CREBRF: variants seen among roughly 807,000 people sequenced by gnomAD.
CREBRF encodes the protein CREB3 regulatory factor.
Under a neutral mutation model 66.1 loss-of-function variants are expected in CREBRF, and 5 were observed. The ratio of observed to expected loss-of-function variants is 0.08; its 90% CI spans 0.04 to 0.16. The LOEUF (loss-of-function observed/expected upper bound fraction) is 0.16. Among genes scored for constraint, CREBRF ranks in the 10% least tolerant of loss-of-function variants. The probability of loss-of-function intolerance (pLI) is 1.00; values close to 1 mark genes in which losing one functional copy is unlikely to be tolerated. For missense variants in CREBRF, 531 were observed against 744.9 expected (o/e 0.71, Z 3.34); for synonymous variants, 229 against 264.4 (o/e 0.87, Z 1.30).
At position 173,134,063 on chromosome 5, in the gene CREBRF, T is replaced by C. The variant is rs576485614; in HGVS notation, c.*318T>C. 1 of 167,092 alleles carries C rather than the reference T, an allele frequency of 6.0e-6. No homozygotes were observed. Among genetic ancestry groups the C allele is most frequent in the Non-Finnish European group, 1.3e-5 (1 of 77,738 alleles). The allele number at this position is 167,092 out of a possible 1,614,324, so 10.4% of individuals were successfully genotyped here. On this transcript the variant is annotated 3_prime_UTR_variant, in exon 9 of 9. Coordinates refer to ENST00000296953, the MANE Select transcript of CREBRF (RefSeq NM_153607.3). ...GAGTGAAATAGTAAAATGCCAAGTA[T>C]TGTGGCAGATTTATGCTCTGAACCA...
At position 173,100,010 on chromosome 5, in the gene CREBRF, G is replaced by A. The variant is rs1436162314; in HGVS notation, c.1222+8609G>A. Among the ~76,000 whole-genome samples the A allele has an allele frequency of 8.3e-5, 12 of 144,862 alleles. No homozygotes were observed. In the East Asian group the frequency reaches 2.5e-3, roughly 30 times the overall value. ...CAACCTCCTCCTCCCAGGTTTGAAT[G>A]ATTCTCCTGCCTTAGCCTCCCAAGT... On this transcript the variant is annotated intron_variant, in intron 4 of 8. Transcript: ENST00000296953.
In CREBRF at chr5:173,133,896, A is replaced by G. The variant is rs1759530106; in HGVS notation, c.*151A>G. On this transcript the variant is annotated 3_prime_UTR_variant, in exon 9 of 9. Transcript: ENST00000296953. Reference sequence around the variant, plus strand: ...AAGAACTAAGTAGCATAAGTGAAGCATGATCCAAAATACTTGATTATTGCA... The same window carrying G: ...AAGAACTAAGTAGCATAAGTGAAGCGTGATCCAAAATACTTGATTATTGCA... The G allele has an allele frequency of 2.1e-6, 1 of 472,428 alleles. No homozygotes were observed. Among genetic ancestry groups the G allele is most frequent in the African/African-American group, 2.0e-5 (1 of 49,432 alleles). 29.3% of individuals were successfully genotyped at this position (472,428 alleles called of 1,614,324 possible).
At chr5:173,103,579 C>G (rs1441837324) in intron 4 of CREBRF, among the ~76,000 whole-genome samples, 1 of 152,124 alleles carries the variant, frequency 6.6e-6, no homozygotes, top group African/African-American at 2.4e-5. Context: ...TGACTAGCTC[C>G]CTTGATGCTG....
chr5:173,102,663 G>A (rs2113760055), intron 4 of CREBRF, among the ~76,000 whole-genome samples: 1 of 152,214 alleles, frequency 6.6e-6, no homozygotes, highest in Middle Eastern at 3.4e-3. Flanking sequence ...ACCTGTATCT[G>A]TGGGAGTGGA....
At chr5:173,086,072 A>G in intron 2 of CREBRF, 2 of 861,974 alleles carry the variant, frequency 2.3e-6, no homozygotes, top group South Asian at 2.6e-5. Flanking sequence ...ATGGTTCTCT[A>G]CCAATCATAA....
At chr5:173,100,118 G>GTGTGTA (rs70984939) in intron 4 of CREBRF, among the ~76,000 whole-genome samples, 1,682 of 88,310 alleles carry the variant, frequency 0.019, 44 homozygotes, top group Non-Finnish European at 0.025. Flanking sequence ...GTGTGTGTGT[G>GTGTGTA]TATATATATA....
At position 173,135,999 on chromosome 5, in the gene CREBRF, A is replaced by G. The variant is rs1189573053; in HGVS notation, c.*2254A>G. 4 of 152,424 alleles carry G rather than the reference A, an allele frequency of 2.6e-5. No individual in the cohort carries two copies. The highest frequency in any genetic ancestry group is 9.7e-5 in the African/African-American group (4 of 41,446). The allele number at this position is 152,424 out of a possible 1,614,324, so 9.4% of individuals were successfully genotyped here. A position where few individuals can be genotyped will look rare whatever the true frequency, so the allele number is the denominator to read the frequency against. ...TCCTTTTTAGGTTGGAGAAGGCAAA[A>G]CACAGGCTTGCAAGTTGGAAGTATA... On this transcript the variant is annotated 3_prime_UTR_variant, in exon 9 of 9. Transcript: ENST00000296953.
chr5:173,083,092 G>A (rs1758015629), intron 2 of CREBRF, among the ~76,000 whole-genome samples: 1 of 151,868 alleles, frequency 6.6e-6, no homozygotes, highest in South Asian at 2.1e-4. Flanking sequence ...GCTGGACGTG[G>A]TGGTGCCTGC....
chr5:173,058,876 A>T (rs963175738), intron 1 of CREBRF, among the ~76,000 whole-genome samples: 1 of 136,118 alleles, frequency 7.3e-6, no homozygotes, highest in African/African-American at 2.8e-5. Context: ...GCTCACTGCA[A>T]CCTCCGCCTG....
chr5:173,111,239 G>A (rs1451902023), intron 6 of CREBRF, among the ~76,000 whole-genome samples: 2 of 151,938 alleles, frequency 1.3e-5, no homozygotes, highest in Non-Finnish European at 2.9e-5. Flanking sequence ...CATGTACATG[G>A]AATATACTGT....
chr5:173,062,012 T>C (rs761969229), intron 1 of CREBRF, among the ~76,000 whole-genome samples: 3 of 152,234 alleles, frequency 2.0e-5, no homozygotes, highest in Non-Finnish European at 2.9e-5. Flanking sequence ...ATCTTGTTTC[T>C]AGATCTAGCT....
chr5:173,083,806 A>G (rs1272490923), intron 2 of CREBRF, among the ~76,000 whole-genome samples: 1 of 152,210 alleles, frequency 6.6e-6, no homozygotes, highest in Non-Finnish European at 1.5e-5. Flanking sequence ...GTGGCTAAAT[A>G]AGCTTTACTT....
chr5:173,116,048 C>T (rs1197204664), intron 7 of CREBRF, among the ~76,000 whole-genome samples: 2 of 152,168 alleles, frequency 1.3e-5, no homozygotes, highest in Non-Finnish European at 2.9e-5. Context: ...TCTGTAATCC[C>T]AGTTACTCAG....
intron 4 of CREBRF, among the ~76,000 whole-genome samples, chr5:173,097,355 C>T (rs957226529): frequency 1.3e-5 from 2 of 152,182 alleles, no homozygotes; most frequent in African/African-American, 4.8e-5. Flanking sequence ...AGTGATTCTC[C>T]TGCCTCAGCC....
intron 3 of CREBRF, among the ~76,000 whole-genome samples, chr5:173,089,670 A>G (rs934885516): frequency 6.6e-6 from 1 of 151,744 alleles, no homozygotes; most frequent in Non-Finnish European, 1.5e-5. Flanking sequence ...TTAAAAAAAA[A>G]AAAAAAGAAA....
At chr5:173,112,894 G>T (rs1321933518) in intron 7 of CREBRF, among the ~76,000 whole-genome samples, 1 of 152,058 alleles carries the variant, frequency 6.6e-6, no homozygotes, top group African/African-American at 2.4e-5. Flanking sequence ...CTGTGTACTT[G>T]GTTAAAATAC....
chr5:173,087,534 A>G (rs2113728658), intron 3 of CREBRF, among the ~76,000 whole-genome samples: 1 of 151,372 alleles, frequency 6.6e-6, no homozygotes, highest in East Asian at 2.0e-4. Context: ...CGTCTCTGCT[A>G]AAAATACAAA....
At position 173,123,216 on chromosome 5, in the gene CREBRF, G is replaced by T; in HGVS notation, c.1804+14G>T. 6.3e-7 allele frequency: 1 copy of T among 1,589,610 alleles called. No homozygotes were observed. Among genetic ancestry groups the T allele is most frequent in the East Asian group, 2.3e-5 (1 of 44,436 alleles). The stretch of plus-strand genomic sequence containing the variant: ...AAGATACTCTCGGTAAGAAGAATGC[G>T]AGATAAATTCATAACAATTAATAAT... On this transcript the variant is annotated intron_variant, in intron 8 of 8. Transcript: ENST00000296953.
chr5:173,056,713 A>C (rs1401716795), intron 1 of CREBRF, among the ~76,000 whole-genome samples: 1 of 151,666 alleles, frequency 6.6e-6, no homozygotes, highest in Non-Finnish European at 1.5e-5. Context: ...CGGGACGGTT[A>C]CATAAAAGCG....
Sources: allele counts gnomAD v4.1 joint callset (sites outside exome capture counted in the v4.1 genomes callset), GRCh38; gene constraint gnomAD v4.1.1; transcripts MANE v1.5; gene names NCBI Gene and HGNC (gene_info 2026-07-23, HGNC 2026-07-21).